The following CCDC192 variants were observed in gnomAD, a reference collection of about 807,000 sequenced individuals.
CCDC192 encodes the protein coiled-coil domain-containing protein 192.
At chr5:127,940,054 T>C (rs1191222212) in intron 6 of CCDC192, among the ~76,000 whole-genome samples, 1 of 152,214 alleles carries the variant, frequency 6.6e-6, no homozygotes, top group Middle Eastern at 3.2e-3. Context: ...GCTAGTAAGA[T>C]GGACTTGAGT....
At chr5:127,888,602 A>G (rs895246301) in intron 6 of CCDC192, among the ~76,000 whole-genome samples, 1 of 152,200 alleles carries the variant, frequency 6.6e-6, no homozygotes, top group Non-Finnish European at 1.5e-5. Context: ...AACTGTTCTC[A>G]TTTATGGATG....
intron 4 of CCDC192, among the ~76,000 whole-genome samples, chr5:127,797,731 GTATATATATATATATA>G (rs146458343): frequency 0.031 from 644 of 20,982 alleles, 5 homozygotes; most frequent in Non-Finnish European, 0.039. Context: ...TCATGTGAAG[GTATATATATATATATA>G]TATATATATA....
chr5:127,774,377 A>G (rs1226084007), intron 3 of CCDC192, among the ~76,000 whole-genome samples: 1 of 152,198 alleles, frequency 6.6e-6, no homozygotes, highest in African/African-American at 2.4e-5. Context: ...ACAGATTTAC[A>G]GTTTGTGCTT....
rs537115274 is a variant in CCDC192 at position 127,717,391 on chromosome 5, C to A, written c.114+9631C>A. 7.2e-5 allele frequency among the ~76,000 whole-genome samples: 11 copies of A among 152,026 alleles called. No homozygotes were observed. The South Asian group carries it at 1.7e-3, about 23-fold the overall frequency. ...CCCTGCTCCTATGAACTATATTCAC[C>A]CAATTTAAATAGTGTAGCCTAAATT... On this transcript the variant is annotated intron_variant, in intron 2 of 6. Transcript: ENST00000514853.
chr5:127,941,168 C>G lies in CCDC192; in HGVS notation c.536-14C>G. The G allele has an allele frequency of 2.5e-6, 1 of 399,042 alleles. No homozygotes were observed. Among genetic ancestry groups the G allele is most frequent in the Non-Finnish European group, 4.4e-6 (1 of 226,052 alleles). 24.7% of individuals were successfully genotyped at this position (399,042 alleles called of 1,614,324 possible). ...TCAAAACTGCTCAGACTTTCCTTTTCTTGTTTGCTTTAGAAGACAGCTTGC... is the reference window on the plus strand; with the variant it reads ...TCAAAACTGCTCAGACTTTCCTTTTGTTGTTTGCTTTAGAAGACAGCTTGC... On this transcript the variant is annotated splice_polypyrimidine_tract_variant and intron_variant, in intron 6 of 6. Coordinates refer to ENST00000514853, the MANE Select transcript of CCDC192 (RefSeq NM_001317938.2).
At chr5:127,880,982 A>G (rs1166737264) in intron 6 of CCDC192, among the ~76,000 whole-genome samples, 1 of 152,198 alleles carries the variant, frequency 6.6e-6, no homozygotes, top group Non-Finnish European at 1.5e-5. Flanking sequence ...TCGAGCTCAA[A>G]AAATAAAATA....
intron 3 of CCDC192, among the ~76,000 whole-genome samples, chr5:127,757,363 G>A (rs1018358934): frequency 6.6e-6 from 1 of 152,160 alleles, no homozygotes; most frequent in Non-Finnish European, 1.5e-5. Flanking sequence ...GCACATTGCA[G>A]CCATTTTCAA....
chr5:127,941,500 A>C lies in CCDC192; in HGVS notation c.*32A>C, dbSNP rs1754405727. 4 of 398,908 alleles carry C rather than the reference A, an allele frequency of 1.0e-5. No homozygotes were observed. The highest frequency in any genetic ancestry group is 1.8e-5 in the Non-Finnish European group (4 of 226,054). 24.7% of individuals were successfully genotyped at this position (398,908 alleles called of 1,614,324 possible). ...AATAAGAAAACAATAAAAGTTTATT[A>C]AGTGTCATCCAGGTAAAGTCTGATA... On this transcript the variant is annotated 3_prime_UTR_variant, in exon 7 of 7. Coordinates refer to ENST00000514853, the MANE Select transcript of CCDC192 (RefSeq NM_001317938.2).
intron 3 of CCDC192, among the ~76,000 whole-genome samples, chr5:127,766,868 G>A (rs1333453684): frequency 1.3e-5 from 2 of 152,102 alleles, no homozygotes. Flanking sequence ...ATTCCATTCT[G>A]GTGGGAACAA....
chr5:127,852,283 T>C (rs1431811297), intron 5 of CCDC192, among the ~76,000 whole-genome samples: 1 of 152,224 alleles, frequency 6.6e-6, no homozygotes, highest in Non-Finnish European at 1.5e-5. Flanking sequence ...TTTTCACAAT[T>C]ATTTTCTTTA....
At chr5:127,791,441 G>A (rs1756861166) in intron 3 of CCDC192, among the ~76,000 whole-genome samples, 1 of 152,090 alleles carries the variant, frequency 6.6e-6, no homozygotes, top group Non-Finnish European at 1.5e-5. Flanking sequence ...GAAGTTCTAG[G>A]AACTGGTCCT....
At chr5:127,846,490 A>C (rs984168466) in intron 5 of CCDC192, among the ~76,000 whole-genome samples, 4 of 151,836 alleles carry the variant, frequency 2.6e-5, no homozygotes, top group Non-Finnish European at 5.9e-5. Context: ...TTATTTTGAG[A>C]AGGAGTTTCA....
At chr5:127,764,606 C>T (rs1240894355) in intron 3 of CCDC192, among the ~76,000 whole-genome samples, 1 of 152,092 alleles carries the variant, frequency 6.6e-6, no homozygotes, top group Non-Finnish European at 1.5e-5. Context: ...ATCTTGCAAT[C>T]CTTGGATATT....
intron 2 of CCDC192, among the ~76,000 whole-genome samples, chr5:127,750,120 C>T (rs1220021239): frequency 6.6e-6 from 1 of 152,186 alleles, no homozygotes; most frequent in African/African-American, 2.4e-5. Flanking sequence ...TCCTTCACTT[C>T]TGCTCGGATT....
chr5:127,755,950 G>A (rs1360009072), intron 3 of CCDC192, among the ~76,000 whole-genome samples: 2 of 152,008 alleles, frequency 1.3e-5, no homozygotes, highest in Non-Finnish European at 2.9e-5. Context: ...GGCTAACATG[G>A]CGAAAGCCCG....
intron 6 of CCDC192, among the ~76,000 whole-genome samples, chr5:127,894,902 CA>C (rs1240746567): frequency 6.6e-6 from 1 of 152,208 alleles, no homozygotes; most frequent in Non-Finnish European, 1.5e-5. Context: ...AACCATTTAA[CA>C]ATCAAGAGAT....
chr5:127,770,984 TC>T (rs1429840766), intron 3 of CCDC192, among the ~76,000 whole-genome samples: 1 of 152,218 alleles, frequency 6.6e-6, no homozygotes, highest in Non-Finnish European at 1.5e-5. Context: ...ATCACAGTAT[TC>T]CTGGCTAGAG....
At chr5:127,754,742 G>T (rs1383603943) in intron 3 of CCDC192, among the ~76,000 whole-genome samples, 1 of 152,148 alleles carries the variant, frequency 6.6e-6, no homozygotes, top group African/African-American at 2.4e-5. Flanking sequence ...TAAGCTCAAA[G>T]ATAAAATAAA....
intron 2 of CCDC192, among the ~76,000 whole-genome samples, chr5:127,734,077 T>A (rs1580553244): frequency 1.2e-5 from 1 of 81,294 alleles, no homozygotes; most frequent in African/African-American, 4.7e-5. Context: ...CCCTCCTCCC[T>A]CCCCCCACCC....
Sources: allele counts gnomAD v4.1 joint callset (sites outside exome capture counted in the v4.1 genomes callset), GRCh38; gene constraint gnomAD v4.1.1; transcripts MANE v1.5; gene names NCBI Gene and HGNC (gene_info 2026-07-23, HGNC 2026-07-21).